Variants in WWTR1 observed in about 807,000 individuals in gnomAD.
The protein encoded by WWTR1 is WW domain-containing transcription regulator protein 1.
In WWTR1, 13 loss-of-function variants were observed where a neutral mutation model predicts 40.1. The observed-to-expected ratio is 0.32, with a 90% confidence interval of 0.21 to 0.52. The LOEUF (loss-of-function observed/expected upper bound fraction) is 0.52, where lower values mean the gene tolerates loss of function less well. Among genes scored for constraint, WWTR1 ranks in the 20% least tolerant of loss-of-function variants. The pLI is 0.97. For synonymous variants in WWTR1, 230 were observed against 210.1 expected (o/e 1.09, Z -0.82); for missense variants, 436 against 523.1 (o/e 0.83, Z 1.63).
rs1447529731 is a variant in WWTR1 at position 149,526,048 on chromosome 3, T to G, written c.983A>C (p.Glu328Ala). The change falls in exon 6 of 7, where the codon GAG becomes GCG. Residue 328 changes from glutamate to alanine, a missense_variant. Transcript: ENST00000360632. ...LGCYSVPTTPEDFLSNVDEMD... is the reference protein window; with the variant it reads ...LGCYSVPTTPADFLSNVDEMD... ...CTCATCCACATTGCTGAGGAAGTCC[T>G]CCGGAGTTGTGGGGACACTGTAGCA... The G allele has an allele frequency of 2.5e-6, 4 of 1,608,442 alleles. No homozygotes were observed. In the South Asian group the frequency reaches 4.4e-5, roughly 18 times the overall value.
upstream of WWTR1, among the ~76,000 whole-genome samples, chr3:149,704,664 A>G (rs948916769): frequency 2.6e-5 from 4 of 152,210 alleles, no homozygotes; most frequent in African/African-American, 9.6e-5. Flanking sequence ...AAAAGACCTA[A>G]AGACAAGGAC....
chr3:149,632,698 A>G (rs546464990), intron 2 of WWTR1, among the ~76,000 whole-genome samples: 1 of 152,390 alleles, frequency 6.6e-6, no homozygotes, highest in Admixed American at 6.5e-5. Context: ...GTATATCCAT[A>G]CAATGCAATA....
At chr3:149,695,033 T>C (rs761752293) in intron 1 of WWTR1, among the ~76,000 whole-genome samples, 1 of 152,182 alleles carries the variant, frequency 6.6e-6, no homozygotes, top group African/African-American at 2.4e-5. Flanking sequence ...GAACACATTA[T>C]GGTAAGTGAA....
chr3:149,657,091 G>A lies in WWTR1; in HGVS notation c.216C>T (p.Gly72=). Reference sequence around the variant, plus strand: ...CCCCAGCCAGTCGAGGCCCCGGGTGGCCGCCCGACGAGTCGGTGCTGGACT... The same window carrying A: ...CCCCAGCCAGTCGAGGCCCCGGGTGACCGCCCGACGAGTCGGTGCTGGACT... ...SRQSSTDSSG[G]HPGPRLAGGA... Residue 72 remains glycine (G), a synonymous_variant, in exon 2 of 7, where the codon GGC becomes GGT. Transcript: ENST00000360632. 6.4e-7 allele frequency: 1 copy of A among 1,571,262 alleles called. No homozygotes were observed. The highest frequency in any genetic ancestry group is 8.6e-7 in the Non-Finnish European group (1 of 1,161,762).
rs145697613 is a variant in WWTR1 at position 149,617,018 on chromosome 3, T to C, written c.431+39858A>G. 5.0e-3 allele frequency among the ~76,000 whole-genome samples: 759 copies of C among 152,192 alleles called. 3 individuals carry two copies. Among genetic ancestry groups the C allele is most frequent in the African/African-American group, 0.018 (737 of 41,510 alleles). On this transcript the variant is annotated intron_variant, in intron 2 of 6. Transcript: ENST00000360632. ...AGTCACCAAGAAAATGCGAAACTAA[T>C]GTAGAAAAAAAATGTCCCTGAAAAT... is the stretch of plus-strand genomic sequence containing the variant.
intron 3 of WWTR1, among the ~76,000 whole-genome samples, chr3:149,544,499 G>A (rs1736279644): frequency 2.0e-5 from 3 of 152,172 alleles, no homozygotes; most frequent in Admixed American, 1.3e-4. Context: ...ATTTTTATGA[G>A]TGGCTTATGG....
At chr3:149,533,350 G>A (rs953983913) in intron 4 of WWTR1, among the ~76,000 whole-genome samples, 1 of 152,196 alleles carries the variant, frequency 6.6e-6, no homozygotes, top group African/African-American at 2.4e-5. Flanking sequence ...AGGATAGAGA[G>A]GGGTCAGGGC....
chr3:149,578,249 G>C (rs1331904841), intron 2 of WWTR1, among the ~76,000 whole-genome samples: 2 of 152,132 alleles, frequency 1.3e-5, no homozygotes, highest in Non-Finnish European at 2.9e-5. Context: ...CTCTGACCCT[G>C]TGTGATCTAA....
chr3:149,657,631 C>A, intron 1 of WWTR1, 134 bp downstream of exon 1: 1 of 297,770 alleles, frequency 3.4e-6, no homozygotes, highest in East Asian at 7.2e-5. Context: ...AAAGGTCGCA[C>A]GATTCCAGGA....
intron 1 of WWTR1, among the ~76,000 whole-genome samples, chr3:149,675,232 C>T (rs1714223730): frequency 6.6e-6 from 1 of 152,232 alleles, no homozygotes; most frequent in African/African-American, 2.4e-5. Flanking sequence ...CAACCCTATA[C>T]TCCTTACCAG....
At chr3:149,681,798 G>A (rs909495434) in intron 1 of WWTR1, among the ~76,000 whole-genome samples, 4 of 152,144 alleles carry the variant, frequency 2.6e-5, no homozygotes, top group Non-Finnish European at 5.9e-5. Flanking sequence ...AGGACATTAT[G>A]CTAAGTAAAA....
In WWTR1 at chr3:149,599,595, C is replaced by A. The variant is rs576289657; in HGVS notation, c.432-26595G>T. ...TGTACCAATGCTCATTATAACCAGT[C>A]TCAAACTACTTAAATGGTGTTGAGT... is the stretch of plus-strand genomic sequence containing the variant. On this transcript the variant is annotated intron_variant, in intron 2 of 6. Coordinates refer to ENST00000360632, the MANE Select transcript of WWTR1 (RefSeq NM_015472.6). Among the ~76,000 whole-genome samples, 5 of 152,334 alleles carry A rather than the reference C, an allele frequency of 3.3e-5. No individual in the cohort carries two copies. In the South Asian group the frequency reaches 8.3e-4, roughly 25 times the overall value.
chr3:149,717,412 A>G (rs1161780832), intron 5 of WWTR1: 1 of 152,212 alleles, frequency 6.6e-6, no homozygotes, highest in Non-Finnish European at 1.5e-5. Context: ...CAGATTGATA[A>G]AGGAAGCAGG....
chr3:149,706,782 G>C (rs1408560555), upstream of WWTR1, among the ~76,000 whole-genome samples: 2 of 152,108 alleles, frequency 1.3e-5, no homozygotes, highest in Non-Finnish European at 2.9e-5. Context: ...ATATCTTGCT[G>C]AGCTGGCAGG....
At position 149,656,995 on chromosome 3, in the gene WWTR1, A is replaced by T. The variant is rs1220698300; in HGVS notation, c.312T>A (p.Gly104=). ...LQLGTGAGAA[G]SPAQQHAHLR... ...GGTGCGCGTGCTGCTGCGCGGGGCT[A>T]CCCGCAGCACCCGCGCCGGTGCCCA... The change falls in exon 2 of 7, where the codon GGT becomes GGA. Residue 104 remains glycine, a synonymous_variant. Transcript: ENST00000360632. 1 of 1,597,084 alleles carries T rather than the reference A, an allele frequency of 6.3e-7. No individual in the cohort carries two copies. The highest frequency in any genetic ancestry group is 1.3e-5 in the African/African-American group (1 of 74,628).
chr3:149,652,751 C>T (rs965121107), intron 2 of WWTR1, among the ~76,000 whole-genome samples: 12 of 146,596 alleles, frequency 8.2e-5, no homozygotes, highest in African/African-American at 2.8e-4. Context: ...AGAAAACTAG[C>T]TTAAAGAGCT....
intron 2 of WWTR1, among the ~76,000 whole-genome samples, chr3:149,650,987 G>A (rs1712832633): frequency 6.6e-6 from 1 of 152,118 alleles, no homozygotes; most frequent in South Asian, 2.1e-4. Flanking sequence ...ATGTGTGTTG[G>A]GAGAGAGAGA....
At chr3:149,597,442 AAAAAAG>A (rs1739047589) in intron 2 of WWTR1, among the ~76,000 whole-genome samples, 1 of 150,772 alleles carries the variant, frequency 6.6e-6, no homozygotes. Flanking sequence ...CAAAAAAAAA[AAAAAAG>A]AAGAAGAAGA....
intron 3 of WWTR1, among the ~76,000 whole-genome samples, chr3:149,559,416 G>GA (rs1186627135): frequency 6.6e-5 from 10 of 150,684 alleles, no homozygotes; most frequent in East Asian, 3.9e-4. Flanking sequence ...AAATGGTTCA[G>GA]AAAAAAAAAT....
Sources: allele counts gnomAD v4.1 joint callset (sites outside exome capture counted in the v4.1 genomes callset), GRCh38; gene constraint gnomAD v4.1.1; transcripts MANE v1.5; gene names NCBI Gene and HGNC (gene_info 2026-07-23, HGNC 2026-07-21).